TBL1XR1: variants seen among roughly 807,000 people sequenced by gnomAD.
The protein encoded by TBL1XR1 is F-box-like/WD repeat-containing protein TBL1XR1.
TBL1XR1 carries 5 observed loss-of-function variants against 66.9 expected under a neutral mutation model. That is an observed-to-expected ratio of 0.07 (90% CI 0.04 to 0.16). The LOEUF (loss-of-function observed/expected upper bound fraction) is 0.16, where lower values mean the gene tolerates loss of function less well. Ranked by LOEUF, TBL1XR1 falls within the 10% of genes least tolerant of loss-of-function variation. The probability of loss-of-function intolerance (pLI) is 1.00; values close to 1 mark genes in which losing one functional copy is unlikely to be tolerated. For missense variants in TBL1XR1, 238 were observed against 623.2 expected (o/e 0.38, Z 6.58); for synonymous variants, 210 against 206.0 (o/e 1.02, Z -0.17).
intron 1 of TBL1XR1, among the ~76,000 whole-genome samples, chr3:177,104,441 G>A (rs954217455): frequency 6.6e-6 from 1 of 152,080 alleles, no homozygotes; most frequent in Non-Finnish European, 1.5e-5. Flanking sequence ...ATCCTCCACT[G>A]TCCTCACCCG....
intron 2 of TBL1XR1, chr3:177,078,556 C>G (rs985681452): frequency 6.7e-6 from 1 of 150,088 alleles, no homozygotes; most frequent in Admixed American, 6.7e-5. Flanking sequence ...CCACTGCACT[C>G]CAGCTGGGGC....
At chr3:177,172,423 A>G (rs546922624) in intron 1 of TBL1XR1, among the ~76,000 whole-genome samples, 5 of 152,144 alleles carry the variant, frequency 3.3e-5, no homozygotes, top group African/African-American at 1.2e-4. Flanking sequence ...TAATGCATGT[A>G]AAAAGGAATA....
intron 1 of TBL1XR1, among the ~76,000 whole-genome samples, chr3:177,125,568 CTT>C (rs1015074499): frequency 2.0e-5 from 3 of 152,056 alleles, no homozygotes; most frequent in Non-Finnish European, 2.9e-5. Flanking sequence ...TGACAAGTGT[CTT>C]TTTTATTTCA....
chr3:177,168,097 A>C (rs146436035), intron 1 of TBL1XR1, among the ~76,000 whole-genome samples: 1 of 152,316 alleles, frequency 6.6e-6, no homozygotes, highest in East Asian at 1.9e-4. Flanking sequence ...AATGAGATAA[A>C]TATATAAACA....
intron 3 of TBL1XR1, 127 bp from the exon 4 acceptor site, chr3:177,054,045 C>CGTGTGTGT (rs3046468): frequency 2.3e-4 from 140 of 615,658 alleles, no homozygotes; most frequent in African/African-American, 2.2e-3. Flanking sequence ...AGACGAAGGT[C>CGTGTGTGT]GTGTGTGTGT....
chr3:177,098,767 TGA>T (rs1381119245), intron 1 of TBL1XR1, among the ~76,000 whole-genome samples: 1 of 152,168 alleles, frequency 6.6e-6, no homozygotes, highest in East Asian at 1.9e-4. Context: ...GTGAACAAAA[TGA>T]GACTCAAAGA....
At chr3:177,192,411 AAAAG>A (rs200145038) in intron 1 of TBL1XR1, among the ~76,000 whole-genome samples, 20 of 151,598 alleles carry the variant, frequency 1.3e-4, no homozygotes, top group Non-Finnish European at 2.4e-4. Flanking sequence ...AAAAAAAAAA[AAAAG>A]AAAGAAAGTA....
Position 177,024,713 on chromosome 3 carries a change from G to GAAAAAAAAAAAAAAAAAAACAAAAAAA in TBL1XR1, c.*784_*785insTTTTTTTGTTTTTTTTTTTTTTTTTTT, listed in dbSNP as rs148659524. On this transcript the variant is annotated 3_prime_UTR_variant, in exon 16 of 16. Transcript: ENST00000457928. ...AGCCACATCACCAAAAAACAAAAAAGAAAAAAAAAAAAAAAAAGCAAAACA... is the reference window on the plus strand; with the variant it reads ...AGCCACATCACCAAAAAACAAAAAAGAAAAAAAAAAAAAAAAAAACAAAAAAAAAAAAAAAAAAAAAAAAGCAAAACA... 2.3e-5 allele frequency: 2 copies of GAAAAAAAAAAAAAAAAAAACAAAAAAA among 85,350 alleles called. No homozygotes were observed. The highest frequency in any genetic ancestry group is 5.0e-5 in the Non-Finnish European group (2 of 39,952). The allele number at this position is 85,350 out of a possible 1,614,324, so 5.3% of individuals were successfully genotyped here. A position where few individuals can be genotyped will look rare whatever the true frequency, so the allele number is the denominator to read the frequency against.
At chr3:177,187,093 G>A (rs1735513830) in intron 1 of TBL1XR1, among the ~76,000 whole-genome samples, 1 of 151,846 alleles carries the variant, frequency 6.6e-6, no homozygotes, top group South Asian at 2.1e-4. Context: ...CATGAACCCG[G>A]GAGGCGGAGT....
At chr3:177,189,663 AAAG>A (rs1560282464) in intron 1 of TBL1XR1, among the ~76,000 whole-genome samples, 1 of 49,440 alleles carries the variant, frequency 2.0e-5, no homozygotes, top group African/African-American at 5.8e-5. Context: ...AAAAAAAAAA[AAAG>A]AAGGATGTAA....
intron 3 of TBL1XR1, among the ~76,000 whole-genome samples, chr3:177,059,620 G>GA (rs1718255424): frequency 6.6e-6 from 1 of 152,024 alleles, no homozygotes; most frequent in Non-Finnish European, 1.5e-5. Flanking sequence ...TGGAGGGAGG[G>GA]AGGGTGCAAG....
upstream of TBL1XR1, among the ~76,000 whole-genome samples, chr3:177,199,053 G>C (rs1479765035): frequency 3.9e-5 from 6 of 152,186 alleles, no homozygotes; most frequent in African/African-American, 1.2e-4. Context: ...GAATGACCTA[G>C]TGGGGCAGGG....
intron 6 of TBL1XR1, 31 bp from the exon 7 acceptor site, chr3:177,050,169 T>TC: frequency 6.2e-7 from 1 of 1,606,458 alleles, no homozygotes; most frequent in East Asian, 2.2e-5. Flanking sequence ...TTTTAGATCC[T>TC]CATGACATTC....
At chr3:177,095,048 A>G (rs958337746) in intron 2 of TBL1XR1, among the ~76,000 whole-genome samples, 51 of 151,408 alleles carry the variant, frequency 3.4e-4, no homozygotes, top group African/African-American at 1.2e-3. Flanking sequence ...AAAAAAAAAC[A>G]AGGAAATAAT....
intron 1 of TBL1XR1, among the ~76,000 whole-genome samples, chr3:177,164,561 G>A (rs542616494): frequency 8.1e-4 from 123 of 152,116 alleles, no homozygotes; most frequent in South Asian, 1.2e-3. Context: ...TCTTGGCCAC[G>A]CTGGTCTCAA....
intron 1 of TBL1XR1, chr3:177,126,161 T>A (rs573075767): frequency 1.3e-5 from 2 of 152,312 alleles, no homozygotes; most frequent in South Asian, 4.1e-4. Context: ...TAAGTAGAAG[T>A]GGCTCTGTCA....
intron 1 of TBL1XR1, among the ~76,000 whole-genome samples, chr3:177,126,815 CA>C (rs10559049): frequency 0.46 from 68,024 of 148,100 alleles, 15,757 homozygotes; most frequent in East Asian, 0.67. Flanking sequence ...CATTTTCAGC[CA>C]AAAAAAAAAA....
chr3:177,059,931 C>G (rs755153191), intron 3 of TBL1XR1, among the ~76,000 whole-genome samples: 1 of 152,212 alleles, frequency 6.6e-6, no homozygotes. Flanking sequence ...CTTCATCTTT[C>G]TCTCGTGCTG....
chr3:177,170,031 C>G (rs529281540), intron 1 of TBL1XR1, among the ~76,000 whole-genome samples: 2 of 152,286 alleles, frequency 1.3e-5, no homozygotes, highest in East Asian at 3.9e-4. Flanking sequence ...CCAGGTGATT[C>G]TGATGCACAC....
Sources: gnomAD v4.1 joint callset for allele counts (sites outside exome capture counted in the v4.1 genomes callset) on GRCh38, gnomAD v4.1.1 for gene constraint, MANE v1.5 for transcripts, NCBI Gene and HGNC (gene_info 2026-07-23, HGNC 2026-07-21) for gene names.